Variants in ARL6IP5 observed in about 807,000 individuals in gnomAD.
The protein encoded by ARL6IP5 is PRA1 family protein 3.
A neutral mutation model predicts 13.0 loss-of-function variants in ARL6IP5; 6 were observed. The observed-to-expected ratio is 0.46, with a 90% CI of 0.25 to 0.91. The LOEUF (loss-of-function observed/expected upper bound fraction) is 0.91. Ranked by LOEUF, ARL6IP5 falls within the 40% of genes least tolerant of loss-of-function variation. The probability of loss-of-function intolerance (pLI) is 0.17; values close to 1 mark genes in which losing one functional copy is unlikely to be tolerated. For synonymous variants in ARL6IP5, 91 were observed against 91.9 expected, an observed-to-expected ratio of 0.99 and a Z score of 0.06; for missense variants, 208 against 248.8, an observed-to-expected ratio of 0.84 and a Z score of 1.10.
At chr3:69,085,352 G>A in intron 1 of ARL6IP5, 129 bp downstream of exon 1, 2 of 1,247,190 alleles carry the variant, frequency 1.6e-6, no homozygotes, top group Non-Finnish European at 2.2e-6. Context: ...TTCTGCAAGC[G>A]GCCAAGCCAG....
intron 1 of ARL6IP5, among the ~76,000 whole-genome samples, chr3:69,085,537 G>T (rs893182269): frequency 2.0e-5 from 3 of 152,196 alleles, no homozygotes; most frequent in African/African-American, 7.2e-5. Flanking sequence ...CCAGGATCGG[G>T]CTCTTGCTGG....
At position 69,105,470 on chromosome 3, in the gene ARL6IP5, G is replaced by A. The variant is rs1380924791; in HGVS notation, c.*834G>A. Reference sequence around the variant, plus strand: ...AGAAAATGTTTGCCATTTTTGCATTGTTTCGTTTTTAACTGGAACATTTAG... The same window carrying A: ...AGAAAATGTTTGCCATTTTTGCATTATTTCGTTTTTAACTGGAACATTTAG... On this transcript the variant is annotated 3_prime_UTR_variant, in exon 3 of 3. Transcript: ENST00000273258. 1 of 152,090 alleles carries A rather than the reference G, an allele frequency of 6.6e-6. No homozygotes were observed. Among genetic ancestry groups the A allele is most frequent in the Non-Finnish European group, 1.5e-5 (1 of 68,010 alleles). The allele number at this position is 152,090 out of a possible 1,614,324, so 9.4% of individuals were successfully genotyped here. A position where few individuals can be genotyped will look rare whatever the true frequency, so the allele number is the denominator to read the frequency against.
chr3:69,102,553 C>T lies in ARL6IP5; in HGVS notation c.394+497C>T, dbSNP rs551237884. 3.3e-5 allele frequency among the ~76,000 whole-genome samples: 5 copies of T among 152,304 alleles called. 1 individual carries two copies. The South Asian group carries it at 1.0e-3, about 32-fold the overall frequency. The stretch of plus-strand genomic sequence containing the variant: ...GGGATTACAGGCGTGAGCCACTTCG[C>T]CCAGCTGTGTGCCATACATTCTTAT... On this transcript the variant is annotated intron_variant, in intron 2 of 2. Coordinates refer to ENST00000273258, the MANE Select transcript of ARL6IP5 (RefSeq NM_006407.4).
chr3:69,086,396 A>G (rs2092247472), intron 1 of ARL6IP5, among the ~76,000 whole-genome samples: 1 of 152,244 alleles, frequency 6.6e-6, no homozygotes, highest in Admixed American at 6.5e-5. Context: ...CACACAGCAC[A>G]GAGGAGAGGG....
intron 1 of ARL6IP5, among the ~76,000 whole-genome samples, chr3:69,095,503 CTTT>C (rs559236745): frequency 1.4e-5 from 2 of 141,608 alleles, no homozygotes; most frequent in Non-Finnish European, 3.1e-5. Flanking sequence ...ATCCCTCGTT[CTTT>C]TTTTTTTTTT....
chr3:69,088,542 A>G (rs2092255151), intron 1 of ARL6IP5, among the ~76,000 whole-genome samples: 1 of 152,212 alleles, frequency 6.6e-6, no homozygotes, highest in Admixed American at 6.5e-5. Flanking sequence ...AGCAAATACT[A>G]TCTAGATCCA....
intron 1 of ARL6IP5, among the ~76,000 whole-genome samples, chr3:69,094,182 G>A (rs2092279532): frequency 6.6e-6 from 1 of 152,188 alleles, no homozygotes; most frequent in Admixed American, 6.5e-5. Context: ...AAACCTGGCA[G>A]GTAGGCCAGC....
At chr3:69,099,141 G>A (rs1390833647) in intron 1 of ARL6IP5, among the ~76,000 whole-genome samples, 1 of 131,128 alleles carries the variant, frequency 7.6e-6, no homozygotes, top group African/African-American at 2.8e-5. Flanking sequence ...GGGGGGGTGG[G>A]GGGTGGATCA....
chr3:69,104,536 G>T lies in ARL6IP5; in HGVS notation c.467G>T (p.Gly156Val). 1 of 1,614,100 alleles carries T rather than the reference G, an allele frequency of 6.2e-7. No homozygotes were observed. Among genetic ancestry groups the T allele is most frequent in the Non-Finnish European group, 8.5e-7 (1 of 1,179,968 alleles). Residue 156 changes from glycine (G) to valine (V), a missense_variant, in exon 3 of 3, where the codon GGT (glycine) becomes GTT (valine). Gly to Val is a moderately radical substitution (Grantham distance 109). Transcript: ENST00000273258. ...CTGGAGAATAAAATGGAAGGAATAG[G>T]TTTGAAGAGGACACCGATGGGCATT... Reference protein sequence around the residue: ...NKLENKMEGIGLKRTPMGIVL... With the variant: ...NKLENKMEGIVLKRTPMGIVL...
chr3:69,094,763 T>C (rs1019932908), intron 1 of ARL6IP5, among the ~76,000 whole-genome samples: 12 of 152,224 alleles, frequency 7.9e-5, no homozygotes, highest in African/African-American at 2.9e-4. Context: ...TGGCAAACTT[T>C]TATTGCCAAC....
intron 1 of ARL6IP5, among the ~76,000 whole-genome samples, chr3:69,089,434 A>C (rs980946151): frequency 6.6e-6 from 1 of 151,400 alleles, no homozygotes; most frequent in Non-Finnish European, 1.5e-5. Flanking sequence ...AAATTTTCTA[A>C]AGCTCTTGAT....
In ARL6IP5 at chr3:69,104,678, G is replaced by T; in HGVS notation, c.*42G>T. ...CTAGGGTTGCAGCAGAAATTGAGTT[G>T]CAGCTTGCCCTTGTCCAGACCTATG... On this transcript the variant is annotated 3_prime_UTR_variant, in exon 3 of 3. Transcript: ENST00000273258. 1 of 1,601,682 alleles carries T rather than the reference G, an allele frequency of 6.2e-7. No homozygotes were observed. The highest frequency in any genetic ancestry group is 8.5e-7 in the Non-Finnish European group (1 of 1,172,074).
At chr3:69,101,740 A>T (rs1041599652) in intron 1 of ARL6IP5, 99 bp from the exon 2 acceptor site, 1 of 956,060 alleles carries the variant, frequency 1.0e-6, no homozygotes, top group African/African-American at 1.6e-5. Context: ...GTATTAAAGT[A>T]TTAGTAAGTT....
chr3:69,100,416 CAT>C (rs1216060723), intron 1 of ARL6IP5, among the ~76,000 whole-genome samples: 1 of 152,112 alleles, frequency 6.6e-6, no homozygotes, highest in Non-Finnish European at 1.5e-5. Context: ...TGTGAGGAGT[CAT>C]AAACTCAAAT....
chr3:69,099,385 A>C (rs913549526), intron 1 of ARL6IP5, among the ~76,000 whole-genome samples: 14 of 152,284 alleles, frequency 9.2e-5, no homozygotes, highest in East Asian at 7.7e-4. Context: ...AACAAACAAA[A>C]AAAAATTATA....
At chr3:69,087,850 C>G (rs1015204117) in intron 1 of ARL6IP5, among the ~76,000 whole-genome samples, 2 of 152,198 alleles carry the variant, frequency 1.3e-5, no homozygotes, top group African/African-American at 4.8e-5. Flanking sequence ...AAATTTCCTT[C>G]ATACTTCAGT....
chr3:69,085,369 C>A (rs989152058), intron 1 of ARL6IP5, 146 bp downstream of exon 1: 16 of 1,138,756 alleles, frequency 1.4e-5, no homozygotes, highest in African/African-American at 1.1e-4. Context: ...CCAGTGGAAA[C>A]TTGTTTGCAG....
At chr3:69,095,390 A>T in intron 1 of ARL6IP5, among the ~76,000 whole-genome samples, 1 of 151,644 alleles carries the variant, frequency 6.6e-6, no homozygotes, top group Middle Eastern at 3.5e-3. Flanking sequence ...ATTAAAATAT[A>T]TACAAACATA....
At chr3:69,099,017 G>A (rs556023955) in intron 1 of ARL6IP5, among the ~76,000 whole-genome samples, 7 of 151,760 alleles carry the variant, frequency 4.6e-5, no homozygotes, top group African/African-American at 1.4e-4. Context: ...GTATTTGCAA[G>A]GATTTTGAAT....
Sources: gnomAD v4.1 joint callset for allele counts (sites outside exome capture counted in the v4.1 genomes callset) on GRCh38, gnomAD v4.1.1 for gene constraint, MANE v1.5 for transcripts, NCBI Gene and HGNC (gene_info 2026-07-23, HGNC 2026-07-21) for gene names.